The following RBFOX1 variants were observed in gnomAD, a reference collection of about 807,000 sequenced individuals.
RBFOX1 encodes RNA binding fox-1 homolog 1.
In RBFOX1, 8 loss-of-function variants were observed where a neutral mutation model predicts 57.7. The ratio of observed to expected loss-of-function variants is 0.14; its 90% CI spans 0.08 to 0.25. The LOEUF (loss-of-function observed/expected upper bound fraction) is 0.25. Ranked by LOEUF, RBFOX1 falls within the 10% of genes least tolerant of loss-of-function variation. The pLI, the probability that RBFOX1 is intolerant of heterozygous loss-of-function variation, is 1.00. For missense variants in RBFOX1, 611 were observed against 548.5 expected (o/e 1.11, Z -1.14); for synonymous variants, 326 against 222.4 (o/e 1.47, Z -4.15).
intron 1 of RBFOX1, chr16:6,056,902 G>C (rs2095621579): frequency 6.6e-6 from 1 of 151,180 alleles, no homozygotes; most frequent in Non-Finnish European, 1.5e-5. Context: ...AACAAAGACG[G>C]AGTGCAGATT....
intron 1 of RBFOX1, among the ~76,000 whole-genome samples, chr16:6,206,302 A>G (rs568942924): frequency 4.1e-4 from 62 of 152,106 alleles, no homozygotes; most frequent in African/African-American, 1.4e-3. Flanking sequence ...TTTCCTGCTT[A>G]CTTTGCCAAG....
At chr16:7,169,921 A>G (rs946807915) in intron 4 of RBFOX1, among the ~76,000 whole-genome samples, 1 of 152,040 alleles carries the variant, frequency 6.6e-6, no homozygotes, top group Non-Finnish European at 1.5e-5. Context: ...AAAAATAAAA[A>G]AAATAGCTGG....
At chr16:7,477,275 C>T (rs1599434031) in intron 4 of RBFOX1, among the ~76,000 whole-genome samples, 1 of 152,144 alleles carries the variant, frequency 6.6e-6, no homozygotes. Context: ...CAATGAGACA[C>T]AGGCTTATTA....
At chr16:7,325,432 G>A (rs965398944) in intron 4 of RBFOX1, among the ~76,000 whole-genome samples, 1 of 152,168 alleles carries the variant, frequency 6.6e-6, no homozygotes, top group Non-Finnish European at 1.5e-5. Context: ...AAGGGAGCCA[G>A]GCATGGTAAG....
intron 2 of RBFOX1, among the ~76,000 whole-genome samples, chr16:6,333,072 C>T (rs1297880838): frequency 2.0e-5 from 3 of 152,054 alleles, no homozygotes; most frequent in Non-Finnish European, 2.9e-5. Context: ...CAGCATCTTG[C>T]TCTGCCACCT....
chr16:5,501,943 G>A (rs184529667), intron 2 of RBFOX1, among the ~76,000 whole-genome samples: 3 of 151,756 alleles, frequency 2.0e-5, no homozygotes, highest in East Asian at 1.9e-4. Flanking sequence ...AGCTGGTCTC[G>A]AACTCCTGGC....
chr16:7,546,014 TAAAAAAA>T (rs71150312), intron 5 of RBFOX1, among the ~76,000 whole-genome samples: 6 of 134,142 alleles, frequency 4.5e-5, no homozygotes, highest in African/African-American at 1.7e-4. Flanking sequence ...TCTGAGCTTA[TAAAAAAA>T]AAAAAAAAAG....
At chr16:7,292,338 A>ATATATATAATATATAATGTATTATGT (rs2095804321) in intron 4 of RBFOX1, among the ~76,000 whole-genome samples, 1 of 137,252 alleles carries the variant, frequency 7.3e-6, no homozygotes, top group Non-Finnish European at 1.5e-5. Context: ...ATCATACATG[A>ATATATATAATATATAATGTATTATGT]TATATATAAT....
At chr16:6,300,797 C>G (rs1300847943) in intron 1 of RBFOX1, among the ~76,000 whole-genome samples, 1 of 152,198 alleles carries the variant, frequency 6.6e-6, no homozygotes, top group East Asian at 1.9e-4. Context: ...CCACCACCAC[C>G]TCCCAAGTCA....
At chr16:7,504,771 TTATATATATATATATTTA>T (rs774439341) in intron 4 of RBFOX1, among the ~76,000 whole-genome samples, 29 of 49,834 alleles carry the variant, frequency 5.8e-4, no homozygotes, top group South Asian at 1.1e-3. Context: ...ATATATATAT[TTATATATATATATATTTA>T]TATATATATA....
intron 3 of RBFOX1, among the ~76,000 whole-genome samples, chr16:6,670,971 G>T (rs930090639): frequency 1.3e-5 from 2 of 152,176 alleles, no homozygotes; most frequent in African/African-American, 4.8e-5. Flanking sequence ...CTGCACTCCA[G>T]CCTGGGTGAC....
intron 4 of RBFOX1, among the ~76,000 whole-genome samples, chr16:5,984,666 A>C (rs1441783728): frequency 6.6e-6 from 1 of 152,200 alleles, no homozygotes; most frequent in East Asian, 1.9e-4. Context: ...AACAATGGGG[A>C]CACATTCTGA....
At chr16:5,432,372 A>G (rs1456001222) in intron 1 of RBFOX1, among the ~76,000 whole-genome samples, 2 of 152,162 alleles carry the variant, frequency 1.3e-5, no homozygotes, top group Non-Finnish European at 2.9e-5. Context: ...GAAGCTCTCG[A>G]CTGCTCCGTG....
intron 2 of RBFOX1, among the ~76,000 whole-genome samples, chr16:5,507,715 A>G (rs1485751036): frequency 6.6e-6 from 1 of 152,148 alleles, no homozygotes; most frequent in East Asian, 1.9e-4. Flanking sequence ...AAAAAGATGA[A>G]CTTTGGAAAC....
intron 4 of RBFOX1, among the ~76,000 whole-genome samples, chr16:7,459,245 A>G (rs1377678441): frequency 6.6e-6 from 1 of 152,178 alleles, no homozygotes; most frequent in Non-Finnish European, 1.5e-5. Flanking sequence ...TCTACTTTCT[A>G]GACATTGAGT....
intron 3 of RBFOX1, among the ~76,000 whole-genome samples, chr16:5,725,563 C>A (rs972842): frequency 0.41 from 61,673 of 150,730 alleles, 15,055 homozygotes; most frequent in East Asian, 0.8. Context: ...GCACCCAGCT[C>A]ATAGCTTAAG....
intron 2 of RBFOX1, among the ~76,000 whole-genome samples, chr16:6,321,494 C>A (rs145640601): frequency 1.1e-3 from 162 of 152,240 alleles, no homozygotes; most frequent in African/African-American, 3.8e-3. Flanking sequence ...TACCCTTGAT[C>A]CAGAACTAAA....
chr16:5,358,471 G>C (rs890596236), intron 1 of RBFOX1, among the ~76,000 whole-genome samples: 2 of 152,144 alleles, frequency 1.3e-5, no homozygotes, highest in South Asian at 2.1e-4. Context: ...GGGTACATGA[G>C]ATGTTTTGGT....
intron 4 of RBFOX1, among the ~76,000 whole-genome samples, chr16:7,157,903 G>C (rs539050423): frequency 6.6e-6 from 1 of 152,338 alleles, no homozygotes; most frequent in East Asian, 1.9e-4. Context: ...CATTGGTAGA[G>C]ACTTCCGAGG....
Sources: gnomAD v4.1 joint callset for allele counts (sites outside exome capture counted in the v4.1 genomes callset) on GRCh38, gnomAD v4.1.1 for gene constraint, MANE v1.5 for transcripts, NCBI Gene and HGNC (gene_info 2026-07-23, HGNC 2026-07-21) for gene names.